The following SCN1A variants were observed in gnomAD, a reference collection of about 807,000 sequenced individuals.
SCN1A encodes the protein sodium voltage-gated channel alpha subunit 1.
Under a neutral mutation model 193.7 loss-of-function variants are expected in SCN1A, and 13 were observed. That is an observed-to-expected ratio of 0.07 (90% confidence interval 0.04 to 0.11). The LOEUF (loss-of-function observed/expected upper bound fraction) is 0.11, where lower values mean the gene tolerates loss of function less well. Ranked by LOEUF, SCN1A falls within the 10% of genes least tolerant of loss-of-function variation. The pLI, the probability that SCN1A is intolerant of heterozygous loss-of-function variation, is 1.00. For missense variants in SCN1A, 1,432 were observed against 2,451.1 expected (o/e 0.58, Z 8.78); for synonymous variants, 781 against 843.6 (o/e 0.93, Z 1.29).
chr2:166,128,373 ATTG>A (rs1207496851), upstream of SCN1A, among the ~76,000 whole-genome samples: 1 of 152,182 alleles, frequency 6.6e-6, no homozygotes, highest in Non-Finnish European at 1.5e-5. Flanking sequence ...AATATGAATC[ATTG>A]TTATCTATAA....
intron 7 of SCN1A, chr2:166,053,190 T>A: frequency 1.4e-6 from 1 of 716,936 alleles, no homozygotes; most frequent in Non-Finnish European, 2.5e-6. Context: ...CTTGCATGGG[T>A]CTTTTATAAA....
At chr2:166,074,274 T>A (rs771856226) in intron 3 of SCN1A, among the ~76,000 whole-genome samples, 5 of 152,078 alleles carry the variant, frequency 3.3e-5, no homozygotes, top group Non-Finnish European at 5.9e-5. Flanking sequence ...CTTGAACACA[T>A]AAAGATAAAG....
chr2:166,007,647 TG>T (rs1389296896), intron 23 of SCN1A, among the ~76,000 whole-genome samples: 1 of 151,386 alleles, frequency 6.6e-6, no homozygotes, highest in Non-Finnish European at 1.5e-5. Context: ...ATAATTTATT[TG>T]TTACTTTCTA....
chr2:166,028,643 A>T (rs186387263), intron 19 of SCN1A, among the ~76,000 whole-genome samples: 6 of 152,354 alleles, frequency 3.9e-5, no homozygotes, highest in Admixed American at 3.9e-4. Flanking sequence ...AAGATAACAC[A>T]TGAATAACGT....
At chr2:166,076,125 A>G (rs1413690168) in intron 3 of SCN1A, among the ~76,000 whole-genome samples, 3 of 151,930 alleles carry the variant, frequency 2.0e-5, no homozygotes, top group Non-Finnish European at 4.4e-5. Flanking sequence ...ACAGATTTTA[A>G]AAGATTTAAT....
chr2:166,076,944 A>G (rs941080917), intron 3 of SCN1A: 3 of 152,066 alleles, frequency 2.0e-5, no homozygotes, highest in Admixed American at 6.6e-5. Context: ...CTAGAAGATA[A>G]TATTGGAGAA....
At chr2:166,123,264 A>AAAAAAAAAAAAAAAAATT (rs1553464699) in intron 2 of SCN1A, among the ~76,000 whole-genome samples, 1 of 129,886 alleles carries the variant, frequency 7.7e-6, no homozygotes, top group African/African-American at 3.2e-5. Flanking sequence ...AAAAAAAAAG[A>AAAAAAAAAAAAAAAAATT]TTTGTTCAAA....
chr2:166,133,228 CCTG>C (rs1339883777), intron 1 of SCN1A, among the ~76,000 whole-genome samples: 1 of 152,068 alleles, frequency 6.6e-6, no homozygotes, highest in Non-Finnish European at 1.5e-5. Flanking sequence ...CTCTGCCTTC[CCTG>C]CTATCGAGAC....
At chr2:166,076,242 A>G (rs1050190120) in intron 3 of SCN1A, among the ~76,000 whole-genome samples, 5 of 151,946 alleles carry the variant, frequency 3.3e-5, no homozygotes, top group African/African-American at 1.2e-4. Context: ...GGGGTAGGAA[A>G]AAGGATATAA....
At chr2:166,074,506 C>A (rs1031806600) in intron 3 of SCN1A, among the ~76,000 whole-genome samples, 5 of 152,138 alleles carry the variant, frequency 3.3e-5, no homozygotes, top group African/African-American at 1.2e-4. Flanking sequence ...TAATGAAATT[C>A]TTGCTGATTC....
intron 2 of SCN1A, among the ~76,000 whole-genome samples, chr2:166,108,303 T>C (rs1688918207): frequency 6.6e-6 from 1 of 152,024 alleles, no homozygotes; most frequent in Non-Finnish European, 1.5e-5. Flanking sequence ...AAAAAACAGA[T>C]AATCACAAGT....
At chr2:166,095,837 G>A (rs918780494) in intron 2 of SCN1A, among the ~76,000 whole-genome samples, 8 of 152,108 alleles carry the variant, frequency 5.3e-5, no homozygotes, top group Admixed American at 5.2e-4. Context: ...TACCCAGCAT[G>A]AAAAACTATT....
At chr2:166,098,737 T>A (rs1008284491) in intron 2 of SCN1A, among the ~76,000 whole-genome samples, 2 of 151,994 alleles carry the variant, frequency 1.3e-5, no homozygotes, top group East Asian at 3.9e-4. Context: ...GAGAGCCAAG[T>A]CAATAATGCA....
intron 2 of SCN1A, among the ~76,000 whole-genome samples, chr2:166,114,891 GT>G (rs1202540203): frequency 1.3e-5 from 2 of 152,084 alleles, no homozygotes; most frequent in Non-Finnish European, 2.9e-5. Context: ...ATATTAACAT[GT>G]TAAAAGCAAT....
At chr2:166,029,684 T>C (rs1024952563) in intron 19 of SCN1A, among the ~76,000 whole-genome samples, 1 of 152,192 alleles carries the variant, frequency 6.6e-6, no homozygotes, top group Non-Finnish European at 1.5e-5. Flanking sequence ...ATTTATTCAT[T>C]CATTTAATAA....
chr2:166,048,434 A>G (rs886477672), intron 10 of SCN1A, among the ~76,000 whole-genome samples: 12 of 152,080 alleles, frequency 7.9e-5, no homozygotes, highest in African/African-American at 2.9e-4. Flanking sequence ...GCTCCCACTT[A>G]TAAGTGAGGA....
intron 2 of SCN1A, among the ~76,000 whole-genome samples, chr2:166,078,583 G>GA (rs1685202682): frequency 6.6e-6 from 1 of 151,562 alleles, no homozygotes; most frequent in Non-Finnish European, 1.5e-5. Flanking sequence ...AAGTACAATG[G>GA]AAGAAATGTT....
intron 2 of SCN1A, among the ~76,000 whole-genome samples, chr2:166,114,643 G>A (rs1346160321): frequency 6.6e-6 from 1 of 152,006 alleles, no homozygotes; most frequent in Non-Finnish European, 1.5e-5. Context: ...TTTTTAATGT[G>A]TTATTTAAAT....
intron 19 of SCN1A, among the ~76,000 whole-genome samples, chr2:166,033,970 A>T (rs892718339): frequency 1.8e-5 from 1 of 55,224 alleles, no homozygotes; most frequent in African/African-American, 9.6e-5. Context: ...TTCAGAAACA[A>T]TTTTATAAAG....
Sources: allele counts gnomAD v4.1 joint callset (sites outside exome capture counted in the v4.1 genomes callset), GRCh38; gene constraint gnomAD v4.1.1; transcripts MANE v1.5; gene names NCBI Gene and HGNC (gene_info 2026-07-23, HGNC 2026-07-21).